The following XKR6 variants were observed in gnomAD, a reference collection of about 807,000 sequenced individuals.
XKR6 encodes XK-related protein 6.
A neutral mutation model predicts 56.7 loss-of-function variants in XKR6; 22 were observed. The ratio of observed to expected loss-of-function variants is 0.39; its 90% confidence interval spans 0.28 to 0.55. The LOEUF is 0.55. Among genes scored for constraint, XKR6 ranks in the 20% least tolerant of loss-of-function variants. The probability of loss-of-function intolerance (pLI) is 0.66; values close to 1 mark genes in which losing one functional copy is unlikely to be tolerated. For synonymous variants in XKR6, 524 were observed against 387.8 expected, an observed-to-expected ratio of 1.35 and a Z score of -4.13; for missense variants, 852 against 889.0, an observed-to-expected ratio of 0.96 and a Z score of 0.53.
intron 1 of XKR6, among the ~76,000 whole-genome samples, chr8:11,037,846 A>C (rs1022040618): frequency 3.5e-5 from 5 of 140,878 alleles, no homozygotes; most frequent in Non-Finnish European, 6.0e-5. Flanking sequence ...TGACAGAGCG[A>C]GACTTGGTTT....
At chr8:11,133,053 G>A (rs1260302864) in intron 1 of XKR6, among the ~76,000 whole-genome samples, 1 of 152,122 alleles carries the variant, frequency 6.6e-6, no homozygotes, top group Non-Finnish European at 1.5e-5. Flanking sequence ...GTTATAGTGA[G>A]GAGACAGTGA....
At chr8:10,958,822 A>G (rs1427356756) in intron 1 of XKR6, among the ~76,000 whole-genome samples, 1 of 152,230 alleles carries the variant, frequency 6.6e-6, no homozygotes, top group African/African-American at 2.4e-5. Context: ...ACTTCTGCAG[A>G]GAGGAAACAG....
At chr8:11,077,906 G>A (rs367907855) in intron 1 of XKR6, among the ~76,000 whole-genome samples, 2 of 152,120 alleles carry the variant, frequency 1.3e-5, no homozygotes, top group Admixed American at 6.5e-5. Flanking sequence ...GGCTCAATCC[G>A]GGAGCAGCCT....
chr8:10,911,688 G>GTA lies in XKR6; in HGVS notation c.962-12774_962-12773dup, dbSNP rs1165738937. On this transcript the variant is annotated intron_variant, in intron 2 of 2. Transcript: ENST00000416569. ...CTATAAAGAGAAAAAGAGAGGGTGA[G>GTA]TATATATATACACATGTAGAGAGAG... Among the ~76,000 whole-genome samples, 4 of 148,346 alleles carry GTA rather than the reference G, an allele frequency of 2.7e-5. No homozygotes were observed. In the East Asian group the frequency reaches 7.9e-4, roughly 29 times the overall value.
chr8:11,059,464 A>G (rs13251510), intron 1 of XKR6, among the ~76,000 whole-genome samples: 95,870 of 152,094 alleles, frequency 0.63, 32,501 homozygotes, highest in African/African-American at 0.87. Flanking sequence ...GGCGCCGAGA[A>G]GGAGGCCCCG....
intron 1 of XKR6, among the ~76,000 whole-genome samples, chr8:11,036,113 GT>G (rs1207670086): frequency 2.0e-5 from 3 of 151,432 alleles, no homozygotes; most frequent in Non-Finnish European, 2.9e-5. Context: ...CAGGCTAATT[GT>G]TTTTCTTAGT....
intron 1 of XKR6, among the ~76,000 whole-genome samples, chr8:10,984,883 T>C (rs1797825165): frequency 6.6e-6 from 1 of 151,800 alleles, no homozygotes. Flanking sequence ...CTTCTTAAGG[T>C]AATTCATAAA....
chr8:11,023,804 G>A (rs1350955939), intron 1 of XKR6, among the ~76,000 whole-genome samples: 2 of 152,212 alleles, frequency 1.3e-5, no homozygotes, highest in Admixed American at 6.5e-5. Context: ...GGTGCTGACT[G>A]TCCCCTCCTG....
At chr8:11,060,502 C>T (rs560098856) in intron 1 of XKR6, among the ~76,000 whole-genome samples, 18 of 152,364 alleles carry the variant, frequency 1.2e-4, no homozygotes, top group Middle Eastern at 3.4e-3. Flanking sequence ...GTGGGAGACC[C>T]TGACCTGATC....
At chr8:11,016,340 G>C (rs901333424) in intron 1 of XKR6, among the ~76,000 whole-genome samples, 19 of 152,312 alleles carry the variant, frequency 1.2e-4, no homozygotes, top group Admixed American at 7.2e-4. Context: ...CGGGCGACTT[G>C]GCGTGCGGTG....
Position 11,026,894 on chromosome 8 carries a change from G to T in XKR6, c.765-102064C>A, listed in dbSNP as rs1050872497. Among the ~76,000 whole-genome samples, 7 of 151,722 alleles carry T rather than the reference G, an allele frequency of 4.6e-5. No individual in the cohort carries two copies. In the East Asian group the frequency reaches 1.2e-3, roughly 25 times the overall value. On this transcript the variant is annotated intron_variant, in intron 1 of 2. Coordinates refer to ENST00000416569, the MANE Select transcript of XKR6 (RefSeq NM_173683.4). ...GTCTAGCCTGCTACACCCTTAGATG[G>T]TCTAGCCTACTACACACCTAGATAG... is the stretch of plus-strand genomic sequence containing the variant.
chr8:11,151,646 T>C (rs1455644942), intron 1 of XKR6, among the ~76,000 whole-genome samples: 1 of 151,686 alleles, frequency 6.6e-6, no homozygotes, highest in Non-Finnish European at 1.5e-5. Flanking sequence ...ACCCAGAGTC[T>C]CAGTTCAGAA....
intron 1 of XKR6, among the ~76,000 whole-genome samples, chr8:11,075,056 A>G (rs1317236632): frequency 6.6e-6 from 1 of 152,118 alleles, no homozygotes; most frequent in East Asian, 1.9e-4. Context: ...CCCTCCCTGG[A>G]GGCTGGGGCA....
chr8:11,035,321 C>T (rs577915076), intron 1 of XKR6: 21 of 534,800 alleles, frequency 3.9e-5, no homozygotes, highest in East Asian at 3.3e-4. Context: ...TGCGTTGTGG[C>T]AGCTTGGGCC....
chr8:10,924,485 C>T (rs1031092164), intron 2 of XKR6, 149 bp downstream of exon 2: 2 of 897,022 alleles, frequency 2.2e-6, no homozygotes, highest in East Asian at 2.6e-5. Flanking sequence ...GCCCCGTCAG[C>T]ACTGCACTGG....
Position 11,048,043 on chromosome 8 carries a change from G to C in XKR6, c.765-123213C>G, listed in dbSNP as rs572243450. ...GTTCTCCTGATTGCAACCCTGAATA[G>C]CTCCACCTCTTTAGCAACCCAGAGT... On this transcript the variant is annotated intron_variant, in intron 1 of 2. Transcript: ENST00000416569. Among the ~76,000 whole-genome samples the C allele has an allele frequency of 3.0e-3, 453 of 152,198 alleles. 2 individuals carry two copies. Among genetic ancestry groups the C allele is most frequent in the African/African-American group, 0.01 (432 of 41,518 alleles).
At chr8:11,168,031 A>G (rs1255174118) in intron 1 of XKR6, among the ~76,000 whole-genome samples, 3 of 152,180 alleles carry the variant, frequency 2.0e-5, no homozygotes, top group African/African-American at 4.8e-5. Context: ...TGACAAAAAA[A>G]AGAGATACAT....
chr8:11,186,307 G>C (rs1056798349), intron 1 of XKR6, among the ~76,000 whole-genome samples: 3 of 152,272 alleles, frequency 2.0e-5, no homozygotes, highest in African/African-American at 7.2e-5. Flanking sequence ...AGCCACCCTT[G>C]ATCTAGGTAT....
intron 1 of XKR6, among the ~76,000 whole-genome samples, chr8:11,156,352 C>T (rs868837990): frequency 1.9e-4 from 29 of 152,232 alleles, no homozygotes; most frequent in Admixed American, 5.9e-4. Context: ...CCTACCATCT[C>T]ATCCAATGTA....
Sources: allele counts gnomAD v4.1 joint callset (sites outside exome capture counted in the v4.1 genomes callset), GRCh38; gene constraint gnomAD v4.1.1; transcripts MANE v1.5; gene names NCBI Gene and HGNC (gene_info 2026-07-23, HGNC 2026-07-21).